Variants in MCTP1 observed in about 807,000 individuals in gnomAD.
The protein encoded by MCTP1 is multiple C2 and transmembrane domain-containing protein 1.
A neutral mutation model predicts 120.6 loss-of-function variants in MCTP1; 69 were observed. That is an observed-to-expected ratio of 0.57 (90% confidence interval 0.47 to 0.70). The LOEUF (loss-of-function observed/expected upper bound fraction) is 0.70, where lower values mean the gene tolerates loss of function less well. MCTP1 is among the 30% of genes least tolerant of loss of function. The pLI, the probability that MCTP1 is intolerant of heterozygous loss-of-function variation, is 0.00. For missense variants in MCTP1, 1,203 were observed against 1,248.8 expected (o/e 0.96, Z 0.55); for synonymous variants, 529 against 493.1 (o/e 1.07, Z -0.96).
intron 2 of MCTP1, among the ~76,000 whole-genome samples, chr5:94,984,435 T>G (rs1665282266): frequency 6.6e-6 from 1 of 152,120 alleles, no homozygotes; most frequent in Non-Finnish European, 1.5e-5. Flanking sequence ...AAAACCACAC[T>G]GGCTGAAGCG....
intron 1 of MCTP1, among the ~76,000 whole-genome samples, chr5:95,044,193 G>A (rs961383091): frequency 1.3e-5 from 2 of 152,190 alleles, no homozygotes; most frequent in Non-Finnish European, 2.9e-5. Context: ...CAGAAGTTAA[G>A]TCCACAGAAA....
chr5:94,751,551 G>C (rs1355695139), intron 19 of MCTP1, among the ~76,000 whole-genome samples: 4 of 152,030 alleles, frequency 2.6e-5, no homozygotes. Flanking sequence ...CCTGACCTCC[G>C]GGAAGCTGAG....
intron 1 of MCTP1, among the ~76,000 whole-genome samples, chr5:95,094,718 C>G (rs756293792): frequency 9.2e-5 from 14 of 152,094 alleles, no homozygotes; most frequent in Non-Finnish European, 1.6e-4. Context: ...AAATACCAAA[C>G]TATAAATAAA....
Position 95,242,572 on chromosome 5 carries a change from T to C in MCTP1, c.720+41284A>G, listed in dbSNP as rs73142031. On this transcript the variant is annotated intron_variant, in intron 1 of 22. Coordinates refer to ENST00000515393, the MANE Select transcript of MCTP1 (RefSeq NM_024717.7). ...AATACTACTCAGCAAGAAAAAAGAA[T>C]GAACTATTAAATGCCATGAATAAAT... Among the ~76,000 whole-genome samples, 567 of 152,294 alleles carry C rather than the reference T, an allele frequency of 3.7e-3. 7 individuals are homozygous for C. The highest frequency in any genetic ancestry group is 0.012 in the African/African-American group (482 of 41,574).
chr5:94,989,227 T>G (rs1831030519), intron 2 of MCTP1, among the ~76,000 whole-genome samples: 1 of 152,156 alleles, frequency 6.6e-6, no homozygotes, highest in African/African-American at 2.4e-5. Context: ...CATCGTGCCT[T>G]TCTTCTGAGA....
chr5:94,828,945 T>C (rs1787867181), intron 17 of MCTP1, among the ~76,000 whole-genome samples: 2 of 151,656 alleles, frequency 1.3e-5, no homozygotes, highest in Admixed American at 1.3e-4. Context: ...TCCAGGGGAG[T>C]AAACAGTTCT....
chr5:94,777,927 C>CGTGCGTGT (rs1775744781), intron 19 of MCTP1, among the ~76,000 whole-genome samples: 1 of 148,850 alleles, frequency 6.7e-6, no homozygotes, highest in African/African-American at 2.5e-5. Flanking sequence ...AGAAAGTGTG[C>CGTGCGTGT]GTGTGTGTGT....
At chr5:94,941,145 A>G (rs780956207) in intron 4 of MCTP1, among the ~76,000 whole-genome samples, 1 of 152,048 alleles carries the variant, frequency 6.6e-6, no homozygotes, top group Non-Finnish European at 1.5e-5. Context: ...AGATAAATTT[A>G]TGCTTTGGGA....
intron 17 of MCTP1, among the ~76,000 whole-genome samples, chr5:94,834,749 C>G (rs928957732): frequency 6.7e-6 from 1 of 149,318 alleles, no homozygotes; most frequent in Non-Finnish European, 1.5e-5. Flanking sequence ...TATCTCAGAA[C>G]AAAACTTCAT....
At chr5:94,722,178 T>G (rs1240232076) in intron 19 of MCTP1, among the ~76,000 whole-genome samples, 4 of 152,130 alleles carry the variant, frequency 2.6e-5, no homozygotes, top group Admixed American at 6.6e-5. Context: ...ACCTAAATAA[T>G]CAATAGGCAT....
At chr5:95,080,501 G>A (rs541972318) in intron 1 of MCTP1, among the ~76,000 whole-genome samples, 1 of 152,260 alleles carries the variant, frequency 6.6e-6, no homozygotes, top group East Asian at 1.9e-4. Flanking sequence ...ACACATTTTT[G>A]AAAACCTCAA....
intron 1 of MCTP1, chr5:95,081,856 C>T: frequency 6.0e-6 from 6 of 1,003,872 alleles, no homozygotes; most frequent in Non-Finnish European, 5.9e-6. Flanking sequence ...AGTAGTCAAC[C>T]TCTTCCTCAT....
chr5:94,965,446 T>G (rs1825348379), intron 2 of MCTP1, among the ~76,000 whole-genome samples: 1 of 152,158 alleles, frequency 6.6e-6, no homozygotes, highest in Non-Finnish European at 1.5e-5. Flanking sequence ...CCTTTTCCCA[T>G]TCTGTACTCC....
chr5:95,098,378 T>A (rs1756439271), intron 1 of MCTP1, among the ~76,000 whole-genome samples: 1 of 152,224 alleles, frequency 6.6e-6, no homozygotes, highest in Non-Finnish European at 1.5e-5. Flanking sequence ...GTCTTTCAAT[T>A]TTGTTTTAGT....
intron 1 of MCTP1, among the ~76,000 whole-genome samples, chr5:95,181,432 C>A (rs1748582865): frequency 6.6e-6 from 1 of 152,204 alleles, no homozygotes; most frequent in African/African-American, 2.4e-5. Flanking sequence ...CTTAGCAGTG[C>A]TTTATTGATT....
At position 94,706,023 on chromosome 5, in the gene MCTP1, T is replaced by C. The variant is rs532107877; in HGVS notation, c.*1473A>G. On this transcript the variant is annotated 3_prime_UTR_variant, in exon 23 of 23. Transcript: ENST00000515393. ...TAACAACTTATCTCTAAAATAAAAA[T>C]ACTTTAAAAATCAGCTTCAATGAGA... 1 of 151,434 alleles carries C rather than the reference T, an allele frequency of 6.6e-6. No homozygotes were observed. The highest frequency in any genetic ancestry group is 1.9e-4 in the East Asian group (1 of 5,154). The allele number at this position is 151,434 out of a possible 1,614,324, so 9.4% of individuals were successfully genotyped here.
rs537707679 is a variant in MCTP1, at chr5:94,793,173, C to A, written c.2556+5840G>T. The stretch of plus-strand genomic sequence containing the variant: ...AGAAAATGTAGAAATCTTGTTGGTG[C>A]AAATCCAAAGCCTGATGACGATGGT... On this transcript the variant is annotated intron_variant, in intron 18 of 22. Coordinates refer to ENST00000515393, the MANE Select transcript of MCTP1 (RefSeq NM_024717.7). 1.3e-3 allele frequency among the ~76,000 whole-genome samples: 196 copies of A among 152,200 alleles called. 1 individual carries two copies. The highest frequency in any genetic ancestry group is 3.6e-3 in the African/African-American group (150 of 41,522).
intron 1 of MCTP1, among the ~76,000 whole-genome samples, chr5:95,278,175 T>C (rs1760005101): frequency 6.6e-6 from 1 of 151,962 alleles, no homozygotes; most frequent in Non-Finnish European, 1.5e-5. Context: ...TTGTTAGGGA[T>C]AAACTTCTCA....
In MCTP1 at chr5:95,284,618, TC is replaced by T; in HGVS notation, c.-44del. 7.4e-7 allele frequency: 1 copy of T among 1,343,398 alleles called. No individual in the cohort carries two copies. The highest frequency in any genetic ancestry group is 9.6e-7 in the Non-Finnish European group (1 of 1,039,232). The allele number at this position is 1,343,398 out of a possible 1,614,324, so 83.2% of individuals were successfully genotyped here. A position where few individuals can be genotyped will look rare whatever the true frequency, so the allele number is the denominator to read the frequency against. ...TCCTCTCCCCTCCTCCTCCTCCTCC[TC>T]CTCCTGCTTCTCCTCCCTCTTCGGC... On this transcript the variant is annotated 5_prime_UTR_variant, in exon 1 of 23. Coordinates refer to ENST00000515393, the MANE Select transcript of MCTP1 (RefSeq NM_024717.7). This position sits in a 1 kb window ranked among gnomAD's most constrained non-coding sequence, Gnocchi z 5.2.
Sources: gnomAD v4.1 joint callset for allele counts (sites outside exome capture counted in the v4.1 genomes callset) on GRCh38, gnomAD v4.1.1 for gene constraint, Gnocchi (gnomAD v3.1) non-coding constraint, MANE v1.5 for transcripts, NCBI Gene and HGNC (gene_info 2026-07-23, HGNC 2026-07-21) for gene names.